The following SIPA1L2 variants were observed in gnomAD, a reference collection of about 807,000 sequenced individuals.
The protein encoded by SIPA1L2 is signal-induced proliferation-associated 1-like protein 2.
Under a neutral mutation model 163.9 loss-of-function variants are expected in SIPA1L2, and 56 were observed. The ratio of observed to expected loss-of-function variants is 0.34; its 90% CI spans 0.28 to 0.43. The LOEUF (loss-of-function observed/expected upper bound fraction) is 0.43. SIPA1L2 is among the 20% of genes least tolerant of loss of function. The pLI is 1.00. For synonymous variants in SIPA1L2, 877 were observed against 865.7 expected, an observed-to-expected ratio of 1.01 and a Z score of -0.23; for missense variants, 1,974 against 2,193.5, an observed-to-expected ratio of 0.90 and a Z score of 2.00.
rs545973847 is a variant in SIPA1L2 at position 232,465,470 on chromosome 1, T to C, written c.2244-54A>G. ...AGATGAGCTATGATACCATAATATGTATCTTTCCGAATTTGACATATATAT... is the reference window on the plus strand; with the variant it reads ...AGATGAGCTATGATACCATAATATGCATCTTTCCGAATTTGACATATATAT... On this transcript the variant is annotated intron_variant, in intron 8 of 22. Transcript: ENST00000674635. This position sits in a 1 kb window ranked among gnomAD's most constrained non-coding sequence, Gnocchi z 4.1. 9.4e-6 allele frequency: 14 copies of C among 1,482,540 alleles called. No homozygotes were observed. In the South Asian group the frequency reaches 1.2e-4, roughly 12 times the overall value. 91.8% of individuals were successfully genotyped at this position (1,482,540 alleles called of 1,614,324 possible).
intron 1 of SIPA1L2, among the ~76,000 whole-genome samples, chr1:232,617,142 A>T (rs1383871780): frequency 6.6e-6 from 1 of 152,208 alleles, no homozygotes; most frequent in East Asian, 1.9e-4. Flanking sequence ...TTCACCTAAA[A>T]TTTTCTAAGT....
intron 2 of SIPA1L2, among the ~76,000 whole-genome samples, chr1:232,547,642 T>C (rs73097609): frequency 0.013 from 1,978 of 151,654 alleles, 62 homozygotes; most frequent in African/African-American, 0.045. Flanking sequence ...AGTTTGAAAA[T>C]TACCAATCTA....
In SIPA1L2 at chr1:232,483,857, T is replaced by C. The variant is rs745670783; in HGVS notation, c.1916A>G (p.Asp639Gly). The change falls in exon 6 of 23, where the codon GAT becomes GGT. Residue 639 changes from aspartate (D) to glycine (G), a missense_variant. Asp to Gly is a moderately conservative substitution (Grantham distance 94). Around this residue, in one of 3 missense-constraint regions of SIPA1L2, gnomAD observed 288 missense variants for 418.9 expected, o/e 0.69. Coordinates refer to ENST00000674635, the MANE Select transcript of SIPA1L2 (RefSeq NM_020808.5). Reference sequence around the variant, plus strand: ...CAGTCGGACTCTCTGGCCCAGAAGATCAAGGAATTCTTCAAAAGCTGGTCC... The same window carrying C: ...CAGTCGGACTCTCTGGCCCAGAAGACCAAGGAATTCTTCAAAAGCTGGTCC... ...TAGPAFEEFL[D>G]LLGQRVRLKG... The C allele has an allele frequency of 5.6e-6, 9 of 1,614,064 alleles. No homozygotes were observed. In the South Asian group the frequency reaches 9.9e-5, roughly 18 times the overall value.
chr1:232,597,616 G>A (rs1428665140), intron 1 of SIPA1L2, among the ~76,000 whole-genome samples: 2 of 148,624 alleles, frequency 1.3e-5, no homozygotes. Context: ...CATGAACCCA[G>A]GAGGCAGAGG....
intron 9 of SIPA1L2, 126 bp from the exon 10 acceptor site, chr1:232,461,287 C>G: frequency 1.7e-6 from 2 of 1,199,650 alleles, no homozygotes; most frequent in Non-Finnish European, 2.4e-6. Context: ...CAGCCTGTCT[C>G]TCTCTGCCTT....
At chr1:232,469,872 G>A (rs68164609) in intron 8 of SIPA1L2, among the ~76,000 whole-genome samples, 37,470 of 149,332 alleles carry the variant, frequency 0.25, 4,799 homozygotes, top group Admixed American at 0.34. Flanking sequence ...AATTAAAACC[G>A]GAAAACCTAA....
rs374624115 is a variant in SIPA1L2, at chr1:232,425,798, T to C, written c.4421A>G (p.Tyr1474Cys). 2.5e-5 allele frequency: 41 copies of C among 1,613,426 alleles called. No individual in the cohort carries two copies. The highest frequency in any genetic ancestry group is 8.3e-5 in the Admixed American group (5 of 59,962). The change falls in exon 18 of 23, where the codon TAT (tyrosine) becomes TGT (cysteine). Residue 1474 changes from tyrosine (Y) to cysteine (C), a missense_variant. Transcript: ENST00000674635. The stretch of plus-strand genomic sequence containing the variant: ...CGACCTCCTTGGAGACAGGTTCCCA[T>C]AGAACGAAAACTAGGGTTTAAACAA... ...VEEGRRKFSF[Y>C]GNLSPRRSLY...
intron 2 of SIPA1L2, among the ~76,000 whole-genome samples, chr1:232,530,614 C>T (rs573048423): frequency 4.6e-5 from 7 of 152,186 alleles, no homozygotes; most frequent in African/African-American, 1.7e-4. Flanking sequence ...GGTTGTTTTG[C>T]CCAGCGGTTC....
chr1:232,491,196 T>C (rs1665912919), intron 4 of SIPA1L2, 134 bp from the exon 5 acceptor site: 5 of 729,398 alleles, frequency 6.9e-6, no homozygotes, highest in Admixed American at 3.0e-5. Context: ...GGGGCGACAG[T>C]GTTCCATTTA....
chr1:232,489,569 TCTG>T, intron 5 of SIPA1L2, among the ~76,000 whole-genome samples: 2 of 152,232 alleles, frequency 1.3e-5, no homozygotes, highest in Middle Eastern at 6.8e-3. Context: ...TGTTACAATA[TCTG>T]CTTCTTTTTG....
In SIPA1L2 at chr1:232,465,479, G is replaced by T; in HGVS notation, c.2244-63C>A. 2 of 1,394,254 alleles carry T rather than the reference G, an allele frequency of 1.4e-6. No homozygotes were observed. The highest frequency in any genetic ancestry group is 2.3e-5 in the East Asian group (1 of 43,428). The allele number at this position is 1,394,254 out of a possible 1,614,324, so 86.4% of individuals were successfully genotyped here. A position where few individuals can be genotyped will look rare whatever the true frequency, so the allele number is the denominator to read the frequency against. ...ATGATACCATAATATGTATCTTTCC[G>T]AATTTGACATATATATACACACACA... On this transcript the variant is annotated intron_variant, in intron 8 of 22. Transcript: ENST00000674635. The surrounding 1 kb of genome is among the most constrained non-coding windows in gnomAD (Gnocchi z 4.1).
At chr1:232,550,486 C>A (rs760589390) in intron 2 of SIPA1L2, among the ~76,000 whole-genome samples, 3 of 152,174 alleles carry the variant, frequency 2.0e-5, no homozygotes, top group Non-Finnish European at 4.4e-5. Flanking sequence ...ATCCTGACAG[C>A]AGCAATATTT....
intron 1 of SIPA1L2, among the ~76,000 whole-genome samples, chr1:232,619,935 A>T (rs1398180186): frequency 6.6e-6 from 1 of 152,106 alleles, no homozygotes; most frequent in Non-Finnish European, 1.5e-5. Flanking sequence ...ACCAGGCTGG[A>T]GTGCAGTGGC....
intron 1 of SIPA1L2, among the ~76,000 whole-genome samples, chr1:232,591,416 C>T (rs1660951295): frequency 1.3e-5 from 2 of 152,362 alleles, no homozygotes; most frequent in South Asian, 4.1e-4. Flanking sequence ...CTGTTCTACA[C>T]CAAACCCAGC....
chr1:232,597,067 G>A (rs78155007), intron 1 of SIPA1L2, among the ~76,000 whole-genome samples: 3 of 152,034 alleles, frequency 2.0e-5, no homozygotes, highest in Non-Finnish European at 4.4e-5. Context: ...CTTTCCTTAC[G>A]GTTTTTAACT....
At position 232,398,549 on chromosome 1, in the gene SIPA1L2, C is replaced by A. The variant is rs1371640154; in HGVS notation, c.*578G>T. ...ACTGCATCTGAACTAGTGTTAAACA[C>A]AACAGTGCTTTTTTTTTTTTTTAAT... On this transcript the variant is annotated 3_prime_UTR_variant, in exon 23 of 23. Coordinates refer to ENST00000674635, the MANE Select transcript of SIPA1L2 (RefSeq NM_020808.5). The A allele has an allele frequency of 6.6e-6, 1 of 151,076 alleles. No homozygotes were observed. The highest frequency in any genetic ancestry group is 1.5e-5 in the Non-Finnish European group (1 of 67,876). The allele number at this position is 151,076 out of a possible 1,614,324, so 9.4% of individuals were successfully genotyped here. A position where few individuals can be genotyped will look rare whatever the true frequency, so the allele number is the denominator to read the frequency against.
intron 3 of SIPA1L2, among the ~76,000 whole-genome samples, chr1:232,495,847 A>G (rs1666159442): frequency 6.6e-6 from 1 of 152,230 alleles, no homozygotes; most frequent in Admixed American, 6.5e-5. Context: ...AATTCTTTTA[A>G]GTAGAAAAAA....
At chr1:232,523,024 C>T (rs1183764762) in intron 2 of SIPA1L2, among the ~76,000 whole-genome samples, 2 of 152,128 alleles carry the variant, frequency 1.3e-5, no homozygotes, top group African/African-American at 2.4e-5. Context: ...GTGAGTTGCC[C>T]AAAACAATCT....
At chr1:232,478,947 G>C (rs1297060815) in intron 7 of SIPA1L2, among the ~76,000 whole-genome samples, 4 of 152,162 alleles carry the variant, frequency 2.6e-5, no homozygotes, top group Non-Finnish European at 4.4e-5. Context: ...GATCCTCCAA[G>C]TCTTCTCAAG....
Sources: allele counts gnomAD v4.1 joint callset (sites outside exome capture counted in the v4.1 genomes callset), GRCh38; gene constraint gnomAD v4.1.1; regional missense constraint gnomAD v4.1.1; non-coding constraint Gnocchi (gnomAD v3.1); transcripts MANE v1.5; gene names NCBI Gene and HGNC (gene_info 2026-07-23, HGNC 2026-07-21).